Variants in CCNJ observed in about 807,000 individuals in gnomAD.
The protein encoded by CCNJ is cyclin J.
Under a neutral mutation model 41.4 loss-of-function variants are expected in CCNJ, and 12 were observed. That is an observed-to-expected ratio of 0.29 (90% confidence interval 0.19 to 0.47). CCNJ has a LOEUF of 0.47. Ranked by LOEUF, CCNJ falls within the 20% of genes least tolerant of loss-of-function variation. The pLI is 1.00. For synonymous variants in CCNJ, 161 were observed against 173.4 expected (o/e 0.93, Z 0.56); for missense variants, 340 against 464.6 (o/e 0.73, Z 2.47).
At chr10:96,050,104 CCACTT>C (rs1262802994) in intron 2 of CCNJ, 147 bp from the exon 3 acceptor site, 2 of 635,884 alleles carry the variant, frequency 3.1e-6, no homozygotes, top group Admixed American at 2.8e-5. Flanking sequence ...CATTATCCCT[CCACTT>C]AACTTTTTCA....
At chr10:96,049,477 T>C (rs1005313335) in intron 2 of CCNJ, among the ~76,000 whole-genome samples, 4 of 119,696 alleles carry the variant, frequency 3.3e-5, no homozygotes, top group Non-Finnish European at 4.9e-5. Flanking sequence ...TTCTTTTTCT[T>C]TTTCTTTTTT....
chr10:96,054,310 G>C lies in CCNJ; in HGVS notation c.281-2391G>C, dbSNP rs12248854. 2.2e-3 allele frequency among the ~76,000 whole-genome samples: 333 copies of C among 152,250 alleles called. 1 individual carries two copies. The highest frequency in any genetic ancestry group is 7.8e-3 in the African/African-American group (325 of 41,534). On this transcript the variant is annotated intron_variant, in intron 3 of 5. Coordinates refer to ENST00000465148, the MANE Select transcript of CCNJ (RefSeq NM_001134375.2). Reference sequence around the variant, plus strand: ...TAATGTGGATAAGTAAACTTAAAATGAACATAGGCATAGCAGTGAGCACAA... The same window carrying C: ...TAATGTGGATAAGTAAACTTAAAATCAACATAGGCATAGCAGTGAGCACAA...
intron 3 of CCNJ, among the ~76,000 whole-genome samples, chr10:96,055,303 T>C (rs761882776): frequency 3.3e-5 from 5 of 152,204 alleles, no homozygotes; most frequent in Non-Finnish European, 5.9e-5. Flanking sequence ...TCACAACACA[T>C]GAGCTTAGAA....
chr10:96,053,299 A>G lies in CCNJ; in HGVS notation c.280+2833A>G, dbSNP rs1245971571. On this transcript the variant is annotated intron_variant, in intron 3 of 5. Coordinates refer to ENST00000465148, the MANE Select transcript of CCNJ (RefSeq NM_001134375.2). ...TGAATTTCAACAACCCCTGAATCTC[A>G]GGTTATTTCTTTATAAGATGGAAAT... is the stretch of plus-strand genomic sequence containing the variant. Among the ~76,000 whole-genome samples, 3 of 151,816 alleles carry G rather than the reference A, an allele frequency of 2.0e-5. No individual in the cohort carries two copies. In the East Asian group the frequency reaches 5.8e-4, roughly 29 times the overall value.
rs565322965 is a variant in CCNJ, at chr10:96,051,329, G to GT, written c.280+872dup. 3.6e-3 allele frequency among the ~76,000 whole-genome samples: 542 copies of GT among 150,686 alleles called. 5 individuals carry two copies. Among genetic ancestry groups the GT allele is most frequent in the South Asian group, 0.012 (56 of 4,752 alleles). On this transcript the variant is annotated intron_variant, in intron 3 of 5. Transcript: ENST00000465148. ...GGGCACGTAAAGGAATTGAAATTGT[G>GT]TTTTTTTTTCTTTTAATAATGTGGA... is the stretch of plus-strand genomic sequence containing the variant.
At chr10:96,047,864 C>T (rs2080408037) in intron 2 of CCNJ, among the ~76,000 whole-genome samples, 1 of 152,064 alleles carries the variant, frequency 6.6e-6, no homozygotes. Context: ...TGGCTTACTG[C>T]ACAGATCATC....
chr10:96,055,220 A>G (rs924963630), intron 3 of CCNJ, among the ~76,000 whole-genome samples: 1 of 152,212 alleles, frequency 6.6e-6, no homozygotes, highest in African/African-American at 2.4e-5. Flanking sequence ...ACCTGCAGCA[A>G]TATTTAGAGT....
intron 3 of CCNJ, among the ~76,000 whole-genome samples, chr10:96,052,289 G>T (rs769904405): frequency 6.6e-6 from 1 of 152,202 alleles, no homozygotes; most frequent in Non-Finnish European, 1.5e-5. Context: ...GTTTAGATGT[G>T]TGAGTCCACA....
chr10:96,051,995 G>A (rs960176177), intron 3 of CCNJ, among the ~76,000 whole-genome samples: 2 of 152,124 alleles, frequency 1.3e-5, no homozygotes, highest in Non-Finnish European at 2.9e-5. Context: ...CCCCATGTAC[G>A]TTGAGCAAAA....
At chr10:96,043,964 G>A (rs2080285987) in intron 1 of CCNJ, among the ~76,000 whole-genome samples, 1 of 152,200 alleles carries the variant, frequency 6.6e-6, no homozygotes, top group African/African-American at 2.4e-5. Flanking sequence ...TCCCCTCAGC[G>A]GGGCTATGAG....
chr10:96,055,051 G>A (rs1244515294), intron 3 of CCNJ, among the ~76,000 whole-genome samples: 1 of 151,972 alleles, frequency 6.6e-6, no homozygotes, highest in Non-Finnish European at 1.5e-5. Context: ...CTTTTTTCAG[G>A]CAATAAGCTG....
intron 3 of CCNJ, 121 bp downstream of exon 3, chr10:96,050,587 A>C (rs1297722461): frequency 2.6e-5 from 19 of 724,990 alleles, no homozygotes; most frequent in Non-Finnish European, 3.6e-5. Context: ...TAGTATCAAG[A>C]AGCTTATGTT....
chr10:96,055,445 A>G (rs1457826318), intron 3 of CCNJ, among the ~76,000 whole-genome samples: 1 of 152,234 alleles, frequency 6.6e-6, no homozygotes, highest in African/African-American at 2.4e-5. Flanking sequence ...AGGCTTGATG[A>G]CAACTCTGGT....
intron 5 of CCNJ, among the ~76,000 whole-genome samples, 196 bp from the exon 6 acceptor site, chr10:96,057,634 A>G (rs1292365218): frequency 6.6e-6 from 1 of 152,196 alleles, no homozygotes; most frequent in Non-Finnish European, 1.5e-5. Flanking sequence ...CAAAGCTACC[A>G]GGAAGGTTCA....
chr10:96,050,653 G>A (rs985428725), intron 3 of CCNJ, among the ~76,000 whole-genome samples, 187 bp downstream of exon 3: 2 of 152,152 alleles, frequency 1.3e-5, no homozygotes, highest in African/African-American at 4.8e-5. Flanking sequence ...TGGCTTTGGA[G>A]CCTGTTAAAA....
At chr10:96,043,305 C>G, upstream of CCNJ, 1 of 299,902 alleles carries the variant, frequency 3.3e-6, no homozygotes, top group Non-Finnish European at 6.1e-6. Context: ...CTCTGCCGAC[C>G]TCAGCCGGCG....
At chr10:96,049,487 T>C (rs958346523) in intron 2 of CCNJ, among the ~76,000 whole-genome samples, 6 of 148,376 alleles carry the variant, frequency 4.0e-5, no homozygotes, top group South Asian at 4.2e-4. Flanking sequence ...TTTTCTTTTT[T>C]TTTTTTTTTT....
At chr10:96,044,318 G>A in intron 1 of CCNJ, 35 bp from the exon 2 acceptor site, 4 of 1,225,974 alleles carry the variant, frequency 3.3e-6, no homozygotes, top group Non-Finnish European at 4.3e-6. Flanking sequence ...TCGCGGGGGA[G>A]CCGGCAGTGA....
Position 96,051,995 on chromosome 10 carries a change from G to GT in CCNJ, c.280+1531dup, listed in dbSNP as rs1238152158. 7.2e-5 allele frequency among the ~76,000 whole-genome samples: 11 copies of GT among 152,242 alleles called. No individual in the cohort carries two copies. In the East Asian group the frequency reaches 2.1e-3, roughly 29 times the overall value. ...CCTTTCCAGTCTCATCCCCATGTAC[G>GT]TTGAGCAAAATTCTTAGAATACCAT... On this transcript the variant is annotated intron_variant, in intron 3 of 5. Transcript: ENST00000465148.
Sources: gnomAD v4.1 joint callset for allele counts (sites outside exome capture counted in the v4.1 genomes callset) on GRCh38, gnomAD v4.1.1 for gene constraint, MANE v1.5 for transcripts, NCBI Gene and HGNC (gene_info 2026-07-23, HGNC 2026-07-21) for gene names.